The following TCF4 variants were observed in gnomAD, a reference collection of about 807,000 sequenced individuals.
TCF4 encodes transcription factor 4.
Under a neutral mutation model 82.1 loss-of-function variants are expected in TCF4, and 3 were observed. The ratio of observed to expected loss-of-function variants is 0.04; its 90% CI spans 0.02 to 0.09. The LOEUF (loss-of-function observed/expected upper bound fraction) is 0.09. Among genes scored for constraint, TCF4 ranks in the 10% least tolerant of loss-of-function variants. The pLI, the probability that TCF4 is intolerant of heterozygous loss-of-function variation, is 1.00. For missense variants in TCF4, 518 were observed against 852.7 expected (o/e 0.61, Z 4.89); for synonymous variants, 276 against 309.6 (o/e 0.89, Z 1.14).
intron 3 of TCF4, among the ~76,000 whole-genome samples, chr18:55,476,174 CAA>C (rs11298284): frequency 2.7e-5 from 4 of 146,346 alleles, no homozygotes; most frequent in African/African-American, 5.1e-5. Flanking sequence ...GGCTGACGTA[CAA>C]AAAAAAAAAT....
intron 6 of TCF4, among the ~76,000 whole-genome samples, chr18:55,365,195 G>A (rs1171639562): frequency 2.2e-4 from 23 of 106,748 alleles, no homozygotes; most frequent in African/African-American, 3.9e-4. Context: ...ATATATATGT[G>A]TGTGTGTGTG....
At chr18:55,497,691 A>G (rs2096652397) in intron 3 of TCF4, among the ~76,000 whole-genome samples, 1 of 152,242 alleles carries the variant, frequency 6.6e-6, no homozygotes, top group African/African-American at 2.4e-5. Context: ...ATGTAAAGCT[A>G]TTAAAACATT....
intron 8 of TCF4, among the ~76,000 whole-genome samples, chr18:55,343,385 T>G (rs1405570851): frequency 6.6e-6 from 1 of 152,168 alleles, no homozygotes; most frequent in Non-Finnish European, 1.5e-5. Context: ...CTCTTCTTAT[T>G]ACTCTGGAAG....
intron 15 of TCF4, among the ~76,000 whole-genome samples, chr18:55,241,959 C>CTATTTTTAATT (rs1485581883): frequency 2.0e-5 from 3 of 152,178 alleles, no homozygotes; most frequent in Non-Finnish European, 4.4e-5. Flanking sequence ...CAGTTCCCTC[C>CTATTTTTAATT]TATTTTTAAA....
intron 5 of TCF4, among the ~76,000 whole-genome samples, chr18:55,423,353 A>G (rs547934671): frequency 2.6e-5 from 4 of 151,668 alleles, no homozygotes; most frequent in African/African-American, 9.7e-5. Context: ...TGGTTCACGA[A>G]CTATTCAGAT....
rs368411198 is a variant in TCF4 at position 55,565,234 on chromosome 18, G to A, written c.145+20046C>T. ...CTGAAAAGGGTTAAAGAGTAAATCAGAATTCTGCTTCCAAAAGTATGACAA... is the reference window on the plus strand; with the variant it reads ...CTGAAAAGGGTTAAAGAGTAAATCAAAATTCTGCTTCCAAAAGTATGACAA... On this transcript the variant is annotated intron_variant, in intron 3 of 19. Coordinates refer to ENST00000354452, the MANE Select transcript of TCF4 (RefSeq NM_001083962.2). Among the ~76,000 whole-genome samples the A allele has an allele frequency of 2.6e-5, 4 of 151,248 alleles. No individual in the cohort carries two copies. The East Asian group carries it at 5.8e-4, about 22-fold the overall frequency.
intron 10 of TCF4, among the ~76,000 whole-genome samples, chr18:55,275,217 A>G (rs1417981373): frequency 2.0e-5 from 3 of 149,358 alleles, no homozygotes; most frequent in Non-Finnish European, 4.4e-5. Flanking sequence ...TGGGTGATGC[A>G]TATAATCTAC....
chr18:55,338,372 C>T (rs1043197402), intron 8 of TCF4, among the ~76,000 whole-genome samples: 5 of 152,152 alleles, frequency 3.3e-5, no homozygotes, highest in Non-Finnish European at 5.9e-5. Flanking sequence ...GCACAGGGGA[C>T]GGAGAGGCAC....
intron 5 of TCF4, among the ~76,000 whole-genome samples, chr18:55,452,878 A>G (rs1221681004): frequency 1.3e-5 from 2 of 151,258 alleles, no homozygotes; most frequent in African/African-American, 4.9e-5. Flanking sequence ...CTTTTTTCCT[A>G]CTCCATCTTC....
chr18:55,233,107 T>C (rs1373249627), intron 16 of TCF4, among the ~76,000 whole-genome samples: 1 of 152,220 alleles, frequency 6.6e-6, no homozygotes, highest in Non-Finnish European at 1.5e-5. Flanking sequence ...CTTCAATAGG[T>C]ACCCTAATGA....
intron 3 of TCF4, among the ~76,000 whole-genome samples, chr18:55,528,769 A>G (rs751634270): frequency 2.6e-5 from 4 of 152,220 alleles, no homozygotes; most frequent in Non-Finnish European, 5.9e-5. Context: ...AAGAATCTGA[A>G]TGAGTAATAT....
At chr18:55,280,900 C>G (rs967240889) in intron 8 of TCF4, among the ~76,000 whole-genome samples, 2 of 151,974 alleles carry the variant, frequency 1.3e-5, no homozygotes, top group African/African-American at 4.8e-5. Context: ...GATAGGTCCA[C>G]AGAGACAGAT....
intron 8 of TCF4, among the ~76,000 whole-genome samples, chr18:55,338,689 T>C (rs1278838438): frequency 6.6e-6 from 1 of 151,968 alleles, no homozygotes; most frequent in African/African-American, 2.4e-5. Context: ...AAGATGAGAG[T>C]GAAGTATTCT....
chr18:55,542,019 G>A (rs1199313638), intron 3 of TCF4, among the ~76,000 whole-genome samples: 2 of 151,926 alleles, frequency 1.3e-5, no homozygotes, highest in African/African-American at 4.8e-5. Flanking sequence ...GCTGGTACAA[G>A]ATTCTATAAG....
chr18:55,531,418 G>C (rs754913077), intron 3 of TCF4, among the ~76,000 whole-genome samples: 1 of 152,154 alleles, frequency 6.6e-6, no homozygotes, highest in Non-Finnish European at 1.5e-5. Flanking sequence ...GAGAATGGGG[G>C]AAGGAAAATA....
At chr18:55,250,733 G>A (rs2054793583) in intron 15 of TCF4, among the ~76,000 whole-genome samples, 1 of 152,158 alleles carries the variant, frequency 6.6e-6, no homozygotes, top group African/African-American at 2.4e-5. Context: ...CCGTTTCTAT[G>A]GATGATCTAT....
chr18:55,620,378 C>T (rs1380829483), intron 2 of TCF4, among the ~76,000 whole-genome samples: 2 of 152,176 alleles, frequency 1.3e-5, no homozygotes, highest in African/African-American at 2.4e-5. Context: ...CTCTGCCCAT[C>T]GTCCTCTAAA....
At chr18:55,397,615 C>T (rs747213919) in intron 6 of TCF4, among the ~76,000 whole-genome samples, 19 of 152,240 alleles carry the variant, frequency 1.2e-4, no homozygotes, top group Non-Finnish European at 2.2e-4. Context: ...AAATGACACG[C>T]GTAAATGGCA....
intron 6 of TCF4, among the ~76,000 whole-genome samples, chr18:55,391,206 T>C (rs898122822): frequency 1.3e-5 from 2 of 152,174 alleles, no homozygotes; most frequent in African/African-American, 4.8e-5. Flanking sequence ...CAAACACAAT[T>C]CACAGTTCAA....
Sources: allele counts gnomAD v4.1 joint callset (sites outside exome capture counted in the v4.1 genomes callset), GRCh38; gene constraint gnomAD v4.1.1; transcripts MANE v1.5; gene names NCBI Gene and HGNC (gene_info 2026-07-23, HGNC 2026-07-21).